Variants in ADAMTS12 observed in about 807,000 individuals in gnomAD.
The protein encoded by ADAMTS12 is ADAM metallopeptidase with thrombospondin type 1 motif 12, also known as A disintegrin and metalloproteinase with thrombospondin motifs 12.
ADAMTS12 carries 118 observed loss-of-function variants against 167.8 expected under a neutral mutation model. The observed-to-expected ratio is 0.70, with a 90% CI of 0.61 to 0.82. ADAMTS12 has a LOEUF of 0.82. ADAMTS12 is among the 40% of genes least tolerant of loss of function. The pLI is 0.00. For synonymous variants in ADAMTS12, 704 were observed against 716.9 expected, an observed-to-expected ratio of 0.98 and a Z score of 0.29; for missense variants, 1,916 against 1,998.8, an observed-to-expected ratio of 0.96 and a Z score of 0.79.
intron 16 of ADAMTS12, among the ~76,000 whole-genome samples, chr5:33,614,026 C>T (rs79210190): frequency 0.025 from 3,771 of 152,236 alleles, 77 homozygotes; most frequent in African/African-American, 0.062. Context: ...TTTTTATCAG[C>T]TCTATAAAAG....
intron 2 of ADAMTS12, among the ~76,000 whole-genome samples, chr5:33,867,618 A>T (rs1192151794): frequency 1.6e-5 from 2 of 126,856 alleles, no homozygotes; most frequent in Non-Finnish European, 3.3e-5. Flanking sequence ...TGAAATAAAA[A>T]TACACACACA....
At chr5:33,697,875 G>A (rs1351173833) in intron 3 of ADAMTS12, among the ~76,000 whole-genome samples, 1 of 152,268 alleles carries the variant, frequency 6.6e-6, no homozygotes, top group Non-Finnish European at 1.5e-5. Context: ...TTGTTCAGGT[G>A]TGCTCTCATG....
chr5:33,726,588 T>C (rs1743988837), intron 3 of ADAMTS12, among the ~76,000 whole-genome samples: 1 of 152,178 alleles, frequency 6.6e-6, no homozygotes, highest in Non-Finnish European at 1.5e-5. Context: ...AACTGCTGGA[T>C]TGGTTACAGC....
chr5:33,584,225 G>A (rs1747217348), intron 18 of ADAMTS12, among the ~76,000 whole-genome samples: 1 of 152,120 alleles, frequency 6.6e-6, no homozygotes, highest in Non-Finnish European at 1.5e-5. Context: ...ACCCATAAAA[G>A]TACTTAATAG....
chr5:33,643,168 A>T (rs1740528549), intron 10 of ADAMTS12, among the ~76,000 whole-genome samples: 1 of 152,200 alleles, frequency 6.6e-6, no homozygotes, highest in Middle Eastern at 3.2e-3. Context: ...GTGAAACTGG[A>T]CCTCAGCCCT....
Position 33,534,937 on chromosome 5 carries a change from G to A in ADAMTS12, c.4502C>T (p.Ser1501Leu). 1.2e-6 allele frequency: 2 copies of A among 1,613,970 alleles called. No individual in the cohort carries two copies. Among genetic ancestry groups the A allele is most frequent in the African/African-American group, 1.3e-5 (1 of 75,024 alleles). Residue 1501 changes from serine (S) to leucine (L), a missense_variant, in exon 23 of 24, where the codon TCA (serine) becomes TTA (leucine). By Grantham distance (145) the Ser-to-Leu change is moderately radical. Coordinates refer to ENST00000504830, the MANE Select transcript of ADAMTS12 (RefSeq NM_030955.4). Reference sequence around the variant, plus strand: ...TTGGTCTTCAGTTTTATTGCCCTCTGAGGGCACACATTGGACAGTCCTCTT... The same window carrying A: ...TTGGTCTTCAGTTTTATTGCCCTCTAAGGGCACACATTGGACAGTCCTCTT... ...FQKRTVQCVP[S>L]EGNKTEDQDQ...
At chr5:33,606,197 C>T (rs1738432259) in intron 16 of ADAMTS12, among the ~76,000 whole-genome samples, 2 of 152,204 alleles carry the variant, frequency 1.3e-5, no homozygotes, top group South Asian at 4.1e-4. Context: ...ATCTGCCTGC[C>T]TCGTCCTCCC....
chr5:33,794,129 G>A (rs1332819148), intron 2 of ADAMTS12, among the ~76,000 whole-genome samples: 1 of 152,046 alleles, frequency 6.6e-6, no homozygotes, highest in Non-Finnish European at 1.5e-5. Flanking sequence ...TATTTCGCTC[G>A]GCTCACTAAC....
At chr5:33,690,460 GA>G (rs35569469) in intron 3 of ADAMTS12, among the ~76,000 whole-genome samples, 30 of 144,238 alleles carry the variant, frequency 2.1e-4, no homozygotes, top group Admixed American at 4.9e-4. Context: ...ATAAGCACCT[GA>G]AAAAAAAAAA....
chr5:33,747,732 C>T (rs1744839490), intron 3 of ADAMTS12, among the ~76,000 whole-genome samples: 2 of 152,142 alleles, frequency 1.3e-5, no homozygotes, highest in Admixed American at 1.3e-4. Flanking sequence ...ATTATAGCTA[C>T]ATGTCCTAGC....
At chr5:33,879,663 A>G (rs1750358006) in intron 2 of ADAMTS12, among the ~76,000 whole-genome samples, 1 of 152,220 alleles carries the variant, frequency 6.6e-6, no homozygotes, top group African/African-American at 2.4e-5. Flanking sequence ...ACCTAATATG[A>G]AAATCCAAAT....
intron 18 of ADAMTS12, among the ~76,000 whole-genome samples, chr5:33,579,295 G>C (rs576719712): frequency 6.6e-6 from 1 of 152,064 alleles, no homozygotes. Flanking sequence ...TTCCATGCTG[G>C]CTGCCTCAGG....
At chr5:33,647,235 T>G (rs1740701146) in intron 9 of ADAMTS12, among the ~76,000 whole-genome samples, 1 of 152,174 alleles carries the variant, frequency 6.6e-6, no homozygotes, top group Admixed American at 6.5e-5. Context: ...TTAGGAAATT[T>G]GTACTTTATT....
intron 3 of ADAMTS12, among the ~76,000 whole-genome samples, chr5:33,696,535 T>G (rs564706546): frequency 2.0e-5 from 3 of 152,306 alleles, no homozygotes; most frequent in Admixed American, 1.3e-4. Context: ...GAAAATTCTT[T>G]TCCGGGACCC....
intron 2 of ADAMTS12, among the ~76,000 whole-genome samples, chr5:33,779,722 A>T (rs111309166): frequency 8.6e-4 from 131 of 152,352 alleles, no homozygotes; most frequent in Admixed American, 3.7e-3. Flanking sequence ...CCTGGCACAG[A>T]AAGATAAATA....
intron 5 of ADAMTS12, among the ~76,000 whole-genome samples, chr5:33,664,329 A>T (rs918016036): frequency 1.3e-5 from 2 of 152,228 alleles, no homozygotes; most frequent in African/African-American, 2.4e-5. Context: ...AGTCACATAG[A>T]TCAATGAAAC....
chr5:33,772,715 C>T lies in ADAMTS12; in HGVS notation c.490-21167G>A, dbSNP rs1491004197. ...TTTCTAAGTTAAAGACAGATCTGCACCACTCTTAAAAACTGAGCTAATCCT... is the reference window on the plus strand; with the variant it reads ...TTTCTAAGTTAAAGACAGATCTGCATCACTCTTAAAAACTGAGCTAATCCT... On this transcript the variant is annotated intron_variant, in intron 2 of 23. Coordinates refer to ENST00000504830, the MANE Select transcript of ADAMTS12 (RefSeq NM_030955.4). Among the ~76,000 whole-genome samples the T allele has an allele frequency of 2.6e-5, 4 of 152,182 alleles. No individual in the cohort carries two copies. The South Asian group carries it at 6.2e-4, about 24-fold the overall frequency.
intron 2 of ADAMTS12, among the ~76,000 whole-genome samples, chr5:33,801,060 T>C (rs1561279215): frequency 6.6e-6 from 1 of 152,152 alleles, no homozygotes; most frequent in African/African-American, 2.4e-5. Flanking sequence ...TGAAGTGATG[T>C]AGCCACAAGC....
intron 5 of ADAMTS12, among the ~76,000 whole-genome samples, chr5:33,671,941 C>G (rs1412274335): frequency 2.7e-5 from 4 of 150,628 alleles, no homozygotes; most frequent in Non-Finnish European, 5.9e-5. Context: ...CTCACATACA[C>G]ACACACACCC....
Sources: gnomAD v4.1 joint callset for allele counts (sites outside exome capture counted in the v4.1 genomes callset) on GRCh38, gnomAD v4.1.1 for gene constraint, MANE v1.5 for transcripts, NCBI Gene and HGNC (gene_info 2026-07-23, HGNC 2026-07-21) for gene names.